The following PLOD2 variants were observed in gnomAD, a reference collection of about 807,000 sequenced individuals.
The protein encoded by PLOD2 is procollagen-lysine,2-oxoglutarate 5-dioxygenase 2, also known as lysine hydroxylase 2.
PLOD2 carries 65 observed loss-of-function variants against 101.0 expected under a neutral mutation model. The ratio of observed to expected loss-of-function variants is 0.64; its 90% CI spans 0.53 to 0.79. PLOD2 has a LOEUF of 0.79. PLOD2 is among the 30% of genes least tolerant of loss of function. The pLI, the probability that PLOD2 is intolerant of heterozygous loss-of-function variation, is 0.00. For synonymous variants in PLOD2, 314 were observed against 302.9 expected, an observed-to-expected ratio of 1.04 and a Z score of -0.38; for missense variants, 909 against 914.6, an observed-to-expected ratio of 0.99 and a Z score of 0.08.
intron 6 of PLOD2, among the ~76,000 whole-genome samples, chr3:146,103,087 C>A (rs191258122): frequency 6.6e-6 from 1 of 152,266 alleles, no homozygotes; most frequent in African/African-American, 2.4e-5. Context: ...CAACCTGGCA[C>A]CAGTAAAGTG....
At chr3:146,126,138 A>C (rs984952807) in intron 1 of PLOD2, among the ~76,000 whole-genome samples, 1 of 152,326 alleles carries the variant, frequency 6.6e-6, no homozygotes, top group Middle Eastern at 3.4e-3. Context: ...GGCAAAGCTT[A>C]ATCATGTGTA....
rs191094758 is a variant in PLOD2, at chr3:146,071,024, C to A, written c.2121+18G>T. The A allele has an allele frequency of 6.3e-7, 1 of 1,596,668 alleles. No homozygotes were observed. Among genetic ancestry groups the A allele is most frequent in the African/African-American group, 1.3e-5 (1 of 74,488 alleles). On this transcript the variant is annotated intron_variant, in intron 19 of 19. Transcript: ENST00000282903. ...ATATTTCTTTTGAAAAATCTAAAAA[C>A]ACAAGAGTCATAATTACCTGAAAGT... is the stretch of plus-strand genomic sequence containing the variant.
At chr3:146,077,012 G>A in intron 14 of PLOD2, 117 bp from the exon 15 acceptor site, 4 of 1,261,558 alleles carry the variant, frequency 3.2e-6, no homozygotes, top group Non-Finnish European at 4.2e-6. Context: ...TTATGAACAT[G>A]CATTTTTAGT....
intron 13 of PLOD2, 108 bp downstream of exon 13, chr3:146,079,008 T>C (rs1280174112): frequency 8.8e-7 from 1 of 1,134,490 alleles, no homozygotes; most frequent in Non-Finnish European, 1.3e-6. Flanking sequence ...AATTGGCTAG[T>C]ACTTACAAAT....
At position 146,148,921 on chromosome 3, in the gene PLOD2, T is replaced by C. The variant is rs538565016; in HGVS notation, c.109+11960A>G. On this transcript the variant is annotated intron_variant, in intron 1 of 19. Coordinates refer to ENST00000282903, the MANE Select transcript of PLOD2 (RefSeq NM_182943.3). ...CATAGCATGCAAAGAATGGCTGGGATATTCCATTTGTTACGGTTAATATGA... is the reference window on the plus strand; with the variant it reads ...CATAGCATGCAAAGAATGGCTGGGACATTCCATTTGTTACGGTTAATATGA... 6.8e-4 allele frequency among the ~76,000 whole-genome samples: 103 copies of C among 152,338 alleles called. 1 individual carries two copies. The highest frequency in any genetic ancestry group is 2.3e-3 in the African/African-American group (94 of 41,574).
At chr3:146,125,070 C>A (rs1258531197) in intron 1 of PLOD2, among the ~76,000 whole-genome samples, 1 of 133,574 alleles carries the variant, frequency 7.5e-6, no homozygotes, top group East Asian at 2.3e-4. Flanking sequence ...TCAACAAATG[C>A]CAAAAGGGCT....
chr3:146,139,734 G>A (rs897594646), intron 1 of PLOD2, among the ~76,000 whole-genome samples: 1 of 152,028 alleles, frequency 6.6e-6, no homozygotes, highest in African/African-American at 2.4e-5. Context: ...ACACATTCCT[G>A]TACAAATGCC....
intron 1 of PLOD2, among the ~76,000 whole-genome samples, chr3:146,144,439 A>C (rs1427278728): frequency 6.6e-6 from 1 of 152,160 alleles, no homozygotes; most frequent in Non-Finnish European, 1.5e-5. Context: ...CGTGGAAGTG[A>C]AAATCCATAA....
At chr3:146,123,568 G>C (rs892497148) in intron 2 of PLOD2, among the ~76,000 whole-genome samples, 2 of 151,762 alleles carry the variant, frequency 1.3e-5, no homozygotes, top group Non-Finnish European at 2.9e-5. Context: ...AGACAGAAAA[G>C]GCACCCTCTT....
At chr3:146,076,030 T>A (rs1277990829) in intron 15 of PLOD2, 1 of 151,710 alleles carries the variant, frequency 6.6e-6, no homozygotes. Flanking sequence ...AGGGTATGAC[T>A]GATCCCATCA....
chr3:146,158,980 A>G (rs1040313712), intron 1 of PLOD2, among the ~76,000 whole-genome samples: 1 of 152,194 alleles, frequency 6.6e-6, no homozygotes, highest in African/African-American at 2.4e-5. Context: ...AGTAATTTTC[A>G]GTTGAAACTT....
At chr3:146,121,295 G>C (rs924831331) in intron 2 of PLOD2, 47 bp from the exon 3 acceptor site, 3 of 1,559,548 alleles carry the variant, frequency 1.9e-6, no homozygotes, top group African/African-American at 2.7e-5. Flanking sequence ...CTCAAATTAT[G>C]AAAGTACTAT....
At position 146,072,570 on chromosome 3, in the gene PLOD2, TC is replaced by T; in HGVS notation, c.1838del (p.Gly613GlufsTer22). The T allele has an allele frequency of 1.3e-6, 2 of 1,599,684 alleles. No individual in the cohort carries two copies. Among genetic ancestry groups the T allele is most frequent in the Non-Finnish European group, 1.7e-6 (2 of 1,167,628 alleles). On this transcript the variant is annotated frameshift_variant, in exon 17 of 20. Coordinates refer to ENST00000282903, the MANE Select transcript of PLOD2 (RefSeq NM_182943.3). LOFTEE classifies it high-confidence loss of function. ...EMEHYGKWSGGKHHDSRISGG... is the reference protein window; with the variant it reads ...EMEHYGKWSGXKHHDSRISGG... Reference sequence around the variant, plus strand: ...TGAAATTACAACTTACATGATGTTTTCCCCCAGACCATTTGCCGTAATGTTC... The same window carrying T: ...TGAAATTACAACTTACATGATGTTTTCCCCAGACCATTTGCCGTAATGTTC...
At chr3:146,147,441 G>C (rs1307547688) in intron 1 of PLOD2, among the ~76,000 whole-genome samples, 1 of 152,162 alleles carries the variant, frequency 6.6e-6, no homozygotes, top group African/African-American at 2.4e-5. Context: ...AAGCGGGGCA[G>C]TGAAATTAGA....
intron 17 of PLOD2, among the ~76,000 whole-genome samples, chr3:146,072,092 A>C (rs962824260): frequency 2.0e-5 from 3 of 151,736 alleles, no homozygotes; most frequent in Non-Finnish European, 4.4e-5. Flanking sequence ...AGTCTTTGAC[A>C]CTGAATGCAA....
At chr3:146,111,987 G>A (rs1480109243) in intron 3 of PLOD2, among the ~76,000 whole-genome samples, 1 of 152,134 alleles carries the variant, frequency 6.6e-6, no homozygotes, top group Non-Finnish European at 1.5e-5. Flanking sequence ...GCATTGCCTG[G>A]AGATGGGGAA....
chr3:146,082,933 A>C (rs1232802891), intron 11 of PLOD2, among the ~76,000 whole-genome samples: 1 of 152,106 alleles, frequency 6.6e-6, no homozygotes, highest in Non-Finnish European at 1.5e-5. Flanking sequence ...ACATCATGCA[A>C]AATAATAAAT....
intron 4 of PLOD2, among the ~76,000 whole-genome samples, chr3:146,108,238 T>C (rs1485166121): frequency 6.6e-6 from 1 of 152,152 alleles, no homozygotes; most frequent in African/African-American, 2.4e-5. Flanking sequence ...TAGAGTGCAA[T>C]GGTGCACTCA....
chr3:146,153,534 T>C (rs1037850712), intron 1 of PLOD2, among the ~76,000 whole-genome samples: 10 of 152,164 alleles, frequency 6.6e-5, no homozygotes, highest in African/African-American at 2.4e-4. Flanking sequence ...CAGCCTTGCC[T>C]ATGAGACACT....
Sources: gnomAD v4.1 joint callset for allele counts (sites outside exome capture counted in the v4.1 genomes callset) on GRCh38, gnomAD v4.1.1 for gene constraint, MANE v1.5 for transcripts, NCBI Gene and HGNC (gene_info 2026-07-23, HGNC 2026-07-21) for gene names.